RCAN2: variants seen among roughly 807,000 people sequenced by gnomAD.
RCAN2 encodes the protein calcipressin-2.
A neutral mutation model predicts 23.6 loss-of-function variants in RCAN2; 9 were observed. That is an observed-to-expected ratio of 0.38 (90% CI 0.23 to 0.67). The LOEUF is 0.67. RCAN2 is among the 30% of genes least tolerant of loss of function. The probability of loss-of-function intolerance (pLI) is 0.51; values close to 1 mark genes in which losing one functional copy is unlikely to be tolerated. For synonymous variants in RCAN2, 109 were observed against 115.7 expected, an observed-to-expected ratio of 0.94 and a Z score of 0.37; for missense variants, 273 against 302.3, an observed-to-expected ratio of 0.90 and a Z score of 0.72.
chr6:46,235,265 A>G (rs2150310597), intron 4 of RCAN2, among the ~76,000 whole-genome samples: 1 of 152,308 alleles, frequency 6.6e-6, no homozygotes, highest in African/African-American at 2.4e-5. Flanking sequence ...AGGAAGGGGA[A>G]ATCTTCCTAT....
chr6:46,396,775 C>A (rs1766101554), intron 2 of RCAN2, among the ~76,000 whole-genome samples: 1 of 152,110 alleles, frequency 6.6e-6, no homozygotes, highest in African/African-American at 2.4e-5. Context: ...AGGCATCTAT[C>A]CCTTCTTATC....
At chr6:46,274,137 A>G (rs1275347305) in intron 2 of RCAN2, among the ~76,000 whole-genome samples, 1 of 152,228 alleles carries the variant, frequency 6.6e-6, no homozygotes, top group Non-Finnish European at 1.5e-5. Context: ...ATTAACACAA[A>G]GCTTACTTAA....
intron 2 of RCAN2, among the ~76,000 whole-genome samples, chr6:46,432,410 T>C (rs1767238156): frequency 6.6e-6 from 1 of 151,936 alleles, no homozygotes; most frequent in South Asian, 2.1e-4. Flanking sequence ...ATGGAGTTTC[T>C]CCATGTTGGC....
intron 4 of RCAN2, among the ~76,000 whole-genome samples, chr6:46,226,272 C>A (rs1765661031): frequency 6.6e-6 from 1 of 152,142 alleles, no homozygotes; most frequent in South Asian, 2.1e-4. Flanking sequence ...AATGTGAGCT[C>A]TTTTTTCGTT....
chr6:46,491,522 G>T (rs1769153756), upstream of RCAN2, among the ~76,000 whole-genome samples: 1 of 151,924 alleles, frequency 6.6e-6, no homozygotes, highest in Non-Finnish European at 1.5e-5. Context: ...GACTCATCGG[G>T]CCAACCTCCA....
chr6:46,339,373 C>T (rs1764234957), intron 2 of RCAN2, among the ~76,000 whole-genome samples: 1 of 151,936 alleles, frequency 6.6e-6, no homozygotes, highest in Non-Finnish European at 1.5e-5. Context: ...AGCCACATTT[C>T]GCTGGATTTT....
rs77770469 is a variant in RCAN2 at position 46,272,561 on chromosome 6, G to A, written c.226-23665C>T. Among the ~76,000 whole-genome samples, 563 of 152,220 alleles carry A rather than the reference G, an allele frequency of 3.7e-3. 3 individuals are homozygous for A. Among genetic ancestry groups the A allele is most frequent in the African/African-American group, 0.013 (525 of 41,526 alleles). ...TATATAGATGCATAACTACTTTTAT[G>A]TATATTAAATGTCACACAATACATA... On this transcript the variant is annotated intron_variant, in intron 2 of 4. Transcript: ENST00000371374.
intron 2 of RCAN2, among the ~76,000 whole-genome samples, chr6:46,399,860 T>G (rs1377886814): frequency 6.6e-6 from 1 of 152,150 alleles, no homozygotes; most frequent in Non-Finnish European, 1.5e-5. Flanking sequence ...GCAAAGACCC[T>G]TTTTCCAAAC....
chr6:46,469,549 A>C (rs1768495454), intron 1 of RCAN2, among the ~76,000 whole-genome samples: 3 of 152,210 alleles, frequency 2.0e-5, no homozygotes, highest in African/African-American at 4.8e-5. Context: ...AGGAACAGCT[A>C]GGTGATTTAG....
At chr6:46,482,040 G>T (rs1037138010) in intron 1 of RCAN2, among the ~76,000 whole-genome samples, 3 of 152,024 alleles carry the variant, frequency 2.0e-5, no homozygotes, top group Admixed American at 6.6e-5. Flanking sequence ...AGGACTGGCT[G>T]ATCCAAAAAG....
chr6:46,386,066 T>C (rs1268992619), intron 2 of RCAN2, among the ~76,000 whole-genome samples: 1 of 151,902 alleles, frequency 6.6e-6, no homozygotes, highest in Non-Finnish European at 1.5e-5. Context: ...AAAGAAACTA[T>C]CATCAGTCGA....
At chr6:46,309,277 A>G (rs975098387) in intron 2 of RCAN2, among the ~76,000 whole-genome samples, 3 of 152,282 alleles carry the variant, frequency 2.0e-5, no homozygotes, top group East Asian at 3.9e-4. Flanking sequence ...TTGCCCATGC[A>G]TTTTGCTAAT....
At chr6:46,240,267 T>C (rs1766258704) in intron 4 of RCAN2, among the ~76,000 whole-genome samples, 1 of 152,214 alleles carries the variant, frequency 6.6e-6, no homozygotes, top group South Asian at 2.1e-4. Context: ...TAAAGTACTT[T>C]TTTTTATAGG....
intron 4 of RCAN2, among the ~76,000 whole-genome samples, chr6:46,241,382 C>T (rs1766299380): frequency 6.6e-6 from 1 of 152,158 alleles, no homozygotes; most frequent in Non-Finnish European, 1.5e-5. Context: ...TACACATTCC[C>T]CAAGGGACTA....
rs530815551 is a variant in RCAN2 at position 46,485,878 on chromosome 6, A to AC, written c.-3+5294dup. Among the ~76,000 whole-genome samples, 93 of 151,998 alleles carry AC rather than the reference A, an allele frequency of 6.1e-4. 1 individual carries two copies. Among genetic ancestry groups the AC allele is most frequent in the African/African-American group, 8.2e-4 (34 of 41,452 alleles). On this transcript the variant is annotated intron_variant, in intron 1 of 4. Transcript: ENST00000371374. ...CATTGGTACTGACAACAAATAAGTT[A>AC]CCCCCCCAAAAAACAAGCTATTTGT...
chr6:46,315,447 T>C (rs1763401684), intron 2 of RCAN2, among the ~76,000 whole-genome samples: 1 of 151,764 alleles, frequency 6.6e-6, no homozygotes, highest in African/African-American at 2.4e-5. Context: ...CTATGATGAG[T>C]GAGGAGCAAG....
intron 2 of RCAN2, among the ~76,000 whole-genome samples, chr6:46,250,086 T>C (rs532461220): frequency 1.3e-4 from 20 of 152,288 alleles, no homozygotes; most frequent in African/African-American, 4.8e-4. Flanking sequence ...AGGCATGGTC[T>C]CTCTCAAGAC....
intron 2 of RCAN2, among the ~76,000 whole-genome samples, chr6:46,319,824 T>C (rs1763552273): frequency 6.6e-6 from 1 of 152,202 alleles, no homozygotes; most frequent in Non-Finnish European, 1.5e-5. Context: ...ACCGGAGAAA[T>C]AGCAACATTT....
intron 2 of RCAN2, among the ~76,000 whole-genome samples, chr6:46,431,378 C>A (rs1280043789): frequency 6.6e-6 from 1 of 151,938 alleles, no homozygotes; most frequent in Admixed American, 6.6e-5. Flanking sequence ...CCCCAACTTG[C>A]TTTTAAATGC....
Sources: allele counts gnomAD v4.1 joint callset (sites outside exome capture counted in the v4.1 genomes callset), GRCh38; gene constraint gnomAD v4.1.1; transcripts MANE v1.5; gene names NCBI Gene and HGNC (gene_info 2026-07-23, HGNC 2026-07-21).